SEMA6D: variants seen among roughly 807,000 people sequenced by gnomAD.
SEMA6D encodes semaphorin-6D.
A neutral mutation model predicts 106.6 loss-of-function variants in SEMA6D; 35 were observed. The observed-to-expected ratio is 0.33, with a 90% CI of 0.25 to 0.44. The LOEUF (loss-of-function observed/expected upper bound fraction) is 0.44. Among genes scored for constraint, SEMA6D ranks in the 20% least tolerant of loss-of-function variants. The pLI is 1.00. For synonymous variants in SEMA6D, 499 were observed against 487.7 expected, an observed-to-expected ratio of 1.02 and a Z score of -0.31; for missense variants, 1,185 against 1,345.9, an observed-to-expected ratio of 0.88 and a Z score of 1.87.
chr15:47,552,439 GCTTATT>G (rs1382303747), intron 3 of SEMA6D, among the ~76,000 whole-genome samples: 1 of 150,926 alleles, frequency 6.6e-6, no homozygotes, highest in Non-Finnish European at 1.5e-5. Flanking sequence ...GAAAGTATGA[GCTTATT>G]CTTATCAAGA....
rs182368449 is a variant in SEMA6D at position 47,213,527 on chromosome 15, G to A, written c.-239+29109G>A. ...CTGCAACTCCAAGTATTTGTAATGC[G>A]TTTTGGTTCCCTCTCCTCCACTATG... On this transcript the variant is annotated intron_variant, in intron 1 of 19. Transcript: ENST00000558014. Among the ~76,000 whole-genome samples the A allele has an allele frequency of 3.7e-3, 567 of 152,248 alleles. 6 individuals carry two copies. The highest frequency in any genetic ancestry group is 0.013 in the African/African-American group (538 of 41,542).
chr15:47,684,886 A>G (rs1336334945), intron 4 of SEMA6D, among the ~76,000 whole-genome samples: 1 of 152,218 alleles, frequency 6.6e-6, no homozygotes, highest in Non-Finnish European at 1.5e-5. Flanking sequence ...CACTGGCTGT[A>G]TTCTATACGC....
rs2080813118 is a variant in SEMA6D at position 47,741,505 on chromosome 15, T to A, written c.-54-18240T>A. Among the ~76,000 whole-genome samples, 3 of 152,090 alleles carry A rather than the reference T, an allele frequency of 2.0e-5. No homozygotes were observed. The South Asian group carries it at 6.2e-4, about 32-fold the overall frequency. ...GCCGAGGCGGGCAGATCACCTGAGG[T>A]CGGCAGTTCAAGACCAGCCTGACCA... On this transcript the variant is annotated intron_variant, in intron 1 of 18. Coordinates refer to ENST00000536845, the MANE Select transcript of SEMA6D (RefSeq NM_001358351.3).
At chr15:47,504,597 T>C (rs962502868) in intron 3 of SEMA6D, among the ~76,000 whole-genome samples, 2 of 152,182 alleles carry the variant, frequency 1.3e-5, no homozygotes, top group Admixed American at 6.5e-5. Context: ...AACATCAAAA[T>C]AGCAGCTTTA....
intron 1 of SEMA6D, among the ~76,000 whole-genome samples, chr15:47,312,617 C>A (rs923429823): frequency 2.0e-5 from 3 of 152,016 alleles, no homozygotes; most frequent in African/African-American, 7.3e-5. Context: ...TCAGCGCTAT[C>A]CAACAGAAAC....
At chr15:47,466,890 CTTTT>C (rs74867347) in intron 2 of SEMA6D, among the ~76,000 whole-genome samples, 1 of 132,226 alleles carries the variant, frequency 7.6e-6, no homozygotes. Context: ...CCACGCCTGG[CTTTT>C]TTTTTTTTTT....
chr15:47,771,974 C>G lies in SEMA6D; in HGVS notation c.*189C>G. The G allele has an allele frequency of 3.3e-6, 2 of 602,502 alleles. No individual in the cohort carries two copies. Among genetic ancestry groups the G allele is most frequent in the South Asian group, 4.6e-5 (2 of 43,500 alleles). The allele number at this position is 602,502 out of a possible 1,614,324, so 37.3% of individuals were successfully genotyped here. A position where few individuals can be genotyped will look rare whatever the true frequency, so the allele number is the denominator to read the frequency against. Reference sequence around the variant, plus strand: ...GCTACTGCAGCAAGGCTTCTGTGTACTTGCCTGAAAACAAAGGAAGGTGCT... The same window carrying G: ...GCTACTGCAGCAAGGCTTCTGTGTAGTTGCCTGAAAACAAAGGAAGGTGCT... On this transcript the variant is annotated 3_prime_UTR_variant, in exon 19 of 19. Coordinates refer to ENST00000536845, the MANE Select transcript of SEMA6D (RefSeq NM_001358351.3).
intron 4 of SEMA6D, among the ~76,000 whole-genome samples, chr15:47,667,048 G>C (rs892064268): frequency 6.6e-6 from 1 of 152,286 alleles, no homozygotes; most frequent in Admixed American, 6.5e-5. Context: ...GCCTCCAGAA[G>C]ATTCCAGCAG....
Position 47,620,634 on chromosome 15 carries a change from AC to A in SEMA6D, c.-55+19739del, listed in dbSNP as rs199746349. Among the ~76,000 whole-genome samples, 58 of 152,200 alleles carry A rather than the reference AC, an allele frequency of 3.8e-4. No individual in the cohort carries two copies. The East Asian group carries it at 0.011, about 29-fold the overall frequency. On this transcript the variant is annotated intron_variant, in intron 4 of 19. Transcript: ENST00000558014. The stretch of plus-strand genomic sequence containing the variant: ...GTCAGTGTGTCATGATCTAGTGGGT[AC>A]TAAAGGCAGTAAATTAGGAAGTGGT...
chr15:47,499,163 C>T (rs2141572560), intron 3 of SEMA6D, among the ~76,000 whole-genome samples: 1 of 152,220 alleles, frequency 6.6e-6, no homozygotes, highest in Non-Finnish European at 1.5e-5. Context: ...GTCATGAATT[C>T]TACGAAACTT....
At chr15:47,556,374 A>T (rs543087628) in intron 3 of SEMA6D, among the ~76,000 whole-genome samples, 2 of 152,130 alleles carry the variant, frequency 1.3e-5, no homozygotes, top group Non-Finnish European at 1.5e-5. Context: ...TTAACATTAT[A>T]ACTGTGTTTG....
chr15:47,422,236 T>TCCTTCCTTCCTTCC (rs1248648261), intron 2 of SEMA6D, among the ~76,000 whole-genome samples: 11 of 149,514 alleles, frequency 7.4e-5, no homozygotes, highest in East Asian at 3.9e-4. Context: ...CTTCCTTCCA[T>TCCTTCCTTCCTTCC]TTTCTTATAA....
At chr15:47,561,842 G>T (rs1246348462) in intron 3 of SEMA6D, among the ~76,000 whole-genome samples, 2 of 151,772 alleles carry the variant, frequency 1.3e-5, no homozygotes, top group East Asian at 3.9e-4. Context: ...AAGATATATT[G>T]GAGCAAAGTT....
At chr15:47,217,873 A>G (rs947736343) in intron 1 of SEMA6D, among the ~76,000 whole-genome samples, 1 of 92,060 alleles carries the variant, frequency 1.1e-5, no homozygotes, top group African/African-American at 4.0e-5. Context: ...ATGTACACAC[A>G]TACACACACA....
At chr15:47,552,087 A>G (rs981926994) in intron 3 of SEMA6D, among the ~76,000 whole-genome samples, 4 of 152,174 alleles carry the variant, frequency 2.6e-5, no homozygotes, top group African/African-American at 7.2e-5. Flanking sequence ...CGCTATGTAC[A>G]ATAGTGAAAT....
At position 47,758,459 on chromosome 15, in the gene SEMA6D, T is replaced by C. The variant is rs74011235; in HGVS notation, c.-54-1286T>C. ...GTTTTGGTTGAGGGGGGGGTGTTATTGTTGCAAAGTAGAACACTTACAGCT... is the reference window on the plus strand; with the variant it reads ...GTTTTGGTTGAGGGGGGGGTGTTATCGTTGCAAAGTAGAACACTTACAGCT... On this transcript the variant is annotated intron_variant, in intron 1 of 18. Coordinates refer to ENST00000536845, the MANE Select transcript of SEMA6D (RefSeq NM_001358351.3). 3.5e-3 allele frequency among the ~76,000 whole-genome samples: 538 copies of C among 152,258 alleles called. 5 individuals are homozygous for C. The highest frequency in any genetic ancestry group is 0.012 in the African/African-American group (518 of 41,542).
chr15:47,469,858 C>T (rs949205158), intron 2 of SEMA6D, among the ~76,000 whole-genome samples: 3 of 152,112 alleles, frequency 2.0e-5, no homozygotes, highest in African/African-American at 7.2e-5. Context: ...TTTACTCCCA[C>T]TTAAGTTGAA....
intron 1 of SEMA6D, among the ~76,000 whole-genome samples, chr15:47,267,721 G>A (rs2034385659): frequency 6.6e-6 from 1 of 151,752 alleles, no homozygotes; most frequent in Non-Finnish European, 1.5e-5. Flanking sequence ...CTTTTTATCT[G>A]TTGTTTTATC....
chr15:47,529,969 C>T (rs1367932309), intron 3 of SEMA6D, among the ~76,000 whole-genome samples: 1 of 152,188 alleles, frequency 6.6e-6, no homozygotes, highest in Non-Finnish European at 1.5e-5. Flanking sequence ...GTCTGAAATG[C>T]AGCTCCTACC....
Sources: allele counts gnomAD v4.1 joint callset (sites outside exome capture counted in the v4.1 genomes callset), GRCh38; gene constraint gnomAD v4.1.1; transcripts MANE v1.5; gene names NCBI Gene and HGNC (gene_info 2026-07-23, HGNC 2026-07-21).